Variants in TMBIM4 observed in about 807,000 individuals in gnomAD.
The protein encoded by TMBIM4 is transmembrane BAX inhibitor motif containing 4, also known as protein lifeguard 4.
Under a neutral mutation model 27.7 loss-of-function variants are expected in TMBIM4, and 28 were observed. The ratio of observed to expected loss-of-function variants is 1.01; its 90% confidence interval spans 0.75 to 1.38. The LOEUF is 1.38. Among genes scored for constraint, TMBIM4 ranks in the 40% most tolerant of loss-of-function variants. The pLI is 0.00. For missense variants in TMBIM4, 265 were observed against 277.5 expected (o/e 0.95, Z 0.32); for synonymous variants, 115 against 113.1 (o/e 1.02, Z -0.11).
intron 1 of TMBIM4, among the ~76,000 whole-genome samples, chr12:66,163,245 A>G (rs2052071521): frequency 6.6e-6 from 1 of 152,088 alleles, no homozygotes; most frequent in South Asian, 2.1e-4. Flanking sequence ...TGGGGTATCT[A>G]TGAGTTAAAT....
intron 2 of TMBIM4, 35 bp downstream of exon 2, chr12:66,153,305 T>C: frequency 8.1e-7 from 1 of 1,234,082 alleles, no homozygotes. Context: ...ATATGCAATG[T>C]CTGAAAATTA....
chr12:66,166,978 C>A (rs2052141566), intron 1 of TMBIM4, among the ~76,000 whole-genome samples: 1 of 152,146 alleles, frequency 6.6e-6, no homozygotes, highest in Non-Finnish European at 1.5e-5. Context: ...GCTATCAAGC[C>A]ATGCAAAGAC....
At chr12:66,144,405 T>C (rs1015367873) in intron 5 of TMBIM4, among the ~76,000 whole-genome samples, 9 of 152,114 alleles carry the variant, frequency 5.9e-5, no homozygotes, top group African/African-American at 2.2e-4. Flanking sequence ...CCCAAAGAAG[T>C]AATCATAGTA....
At chr12:66,165,023 G>A (rs376665272) in intron 1 of TMBIM4, among the ~76,000 whole-genome samples, 3 of 152,182 alleles carry the variant, frequency 2.0e-5, no homozygotes, top group Admixed American at 2.0e-4. Flanking sequence ...ACCTAACCAA[G>A]AAGACAAATT....
At chr12:66,149,471 AAG>A (rs1349431401) in intron 3 of TMBIM4, among the ~76,000 whole-genome samples, 1 of 151,224 alleles carries the variant, frequency 6.6e-6, no homozygotes, top group Non-Finnish European at 1.5e-5. Context: ...AAAAGAAAGA[AAG>A]AAATTTTTTT....
At chr12:66,143,703 C>T (rs201975516) in intron 5 of TMBIM4, among the ~76,000 whole-genome samples, 2 of 152,148 alleles carry the variant, frequency 1.3e-5, no homozygotes, top group East Asian at 3.8e-4. Flanking sequence ...ACCATACATC[C>T]AAACATTTAA....
chr12:66,144,969 A>G (rs1321182150), intron 5 of TMBIM4, among the ~76,000 whole-genome samples: 1 of 152,170 alleles, frequency 6.6e-6, no homozygotes, highest in Non-Finnish European at 1.5e-5. Flanking sequence ...ACAGTTGGAG[A>G]TTGGGTTGAG....
At chr12:66,149,127 T>A (rs1431605691) in intron 3 of TMBIM4, among the ~76,000 whole-genome samples, 1 of 151,942 alleles carries the variant, frequency 6.6e-6, no homozygotes. Context: ...CCAGCAAAAA[T>A]GGTAGCAAAA....
chr12:66,167,480 C>T (rs543239802), intron 1 of TMBIM4, among the ~76,000 whole-genome samples: 1 of 152,184 alleles, frequency 6.6e-6, no homozygotes, highest in South Asian at 2.1e-4. Flanking sequence ...ATAAATGCCC[C>T]ACACGCATAC....
intron 2 of TMBIM4, among the ~76,000 whole-genome samples, 156 bp from the exon 3 acceptor site, chr12:66,152,532 T>G (rs547153414): frequency 2.3e-4 from 35 of 152,198 alleles, no homozygotes; most frequent in Admixed American, 5.9e-4. Context: ...ATTTTATATC[T>G]GGAAAATTTG....
chr12:66,160,339 C>A, intron 1 of TMBIM4: 1 of 613,364 alleles, frequency 1.6e-6, no homozygotes, highest in Non-Finnish European at 3.0e-6. Flanking sequence ...AATGCACATA[C>A]TCTTTTGACT....
At position 66,136,171 on chromosome 12, in the gene TMBIM4, C is replaced by T. The variant is rs1434948432; in HGVS notation, c.*1789G>A. 6.7e-6 allele frequency: 1 copy of T among 149,516 alleles called. No individual in the cohort carries two copies. The highest frequency in any genetic ancestry group is 2.4e-5 in the African/African-American group (1 of 40,918). 9.3% of individuals were successfully genotyped at this position (149,516 alleles called of 1,614,324 possible). A position where few individuals can be genotyped will look rare whatever the true frequency, so the allele number is the denominator to read the frequency against. ...GTTTATTTATCTATCTCATTTAATCCTTATAACAGCCCAATAAGCTAGACA... is the reference window on the plus strand; with the variant it reads ...GTTTATTTATCTATCTCATTTAATCTTTATAACAGCCCAATAAGCTAGACA... On this transcript the variant is annotated 3_prime_UTR_variant, in exon 7 of 7. Transcript: ENST00000358230.
In TMBIM4 at chr12:66,138,076, G is replaced by C; in HGVS notation, c.601C>G (p.Leu201Val). 6.2e-7 allele frequency: 1 copy of C among 1,614,070 alleles called. No homozygotes were observed. The highest frequency in any genetic ancestry group is 8.5e-7 in the Non-Finnish European group (1 of 1,179,996). Residue 201 changes from leucine to valine, a missense_variant, in exon 7 of 7, where the codon CTG becomes GTG. Coordinates refer to ENST00000358230, the MANE Select transcript of TMBIM4 (RefSeq NM_016056.4). ...CGFIIYDTHS[L>V]MHKLSPEEYV... is the part of the protein sequence containing the mutation. The stretch of plus-strand genomic sequence containing the variant: ...TCTTCAGGTGACAGTTTATGCATCA[G>C]TGAGTGTGTGTCATAGATGATGAAT...
intron 1 of TMBIM4, among the ~76,000 whole-genome samples, chr12:66,155,702 T>C (rs1329327680): frequency 6.6e-6 from 1 of 152,112 alleles, no homozygotes; most frequent in Non-Finnish European, 1.5e-5. Flanking sequence ...CCATATGATA[T>C]ATATTCTCTC....
intron 1 of TMBIM4, among the ~76,000 whole-genome samples, chr12:66,164,161 G>T (rs1399878862): frequency 1.3e-5 from 2 of 152,204 alleles, no homozygotes; most frequent in African/African-American, 4.8e-5. Context: ...AGTAGGAATT[G>T]AAAGAAACTA....
At chr12:66,165,519 G>C (rs1192589103) in intron 1 of TMBIM4, among the ~76,000 whole-genome samples, 1 of 151,316 alleles carries the variant, frequency 6.6e-6, no homozygotes, top group Non-Finnish European at 1.5e-5. Flanking sequence ...CCAGGCTCAA[G>C]TGATTCTCCC....
chr12:66,144,486 G>A (rs987023641), intron 5 of TMBIM4, among the ~76,000 whole-genome samples: 2 of 152,042 alleles, frequency 1.3e-5, no homozygotes, highest in African/African-American at 4.8e-5. Flanking sequence ...GCGGGGTGGG[G>A]GCAGAGAAGA....
At position 66,137,610 on chromosome 12, in the gene TMBIM4, G is replaced by C; in HGVS notation, c.*350C>G. 1.3e-5 allele frequency: 3 copies of C among 227,462 alleles called. No homozygotes were observed. The South Asian group carries it at 1.5e-4, about 12-fold the overall frequency. 14.1% of individuals were successfully genotyped at this position (227,462 alleles called of 1,614,324 possible). A position where few individuals can be genotyped will look rare whatever the true frequency, so the allele number is the denominator to read the frequency against. On this transcript the variant is annotated 3_prime_UTR_variant, in exon 7 of 7. Coordinates refer to ENST00000358230, the MANE Select transcript of TMBIM4 (RefSeq NM_016056.4). The stretch of plus-strand genomic sequence containing the variant: ...GGGGTTTCACCATGTTGGCCAGGAT[G>C]GTCTCAACCTCTTGACCTCGTGATC...
chr12:66,146,717 T>C (rs7965395), intron 4 of TMBIM4, among the ~76,000 whole-genome samples: 48,432 of 112,376 alleles, frequency 0.43, 8,037 homozygotes, highest in South Asian at 0.54. Flanking sequence ...CCAAAGCCAT[T>C]TAAGTAATTT....
Sources: gnomAD v4.1 joint callset for allele counts (sites outside exome capture counted in the v4.1 genomes callset) on GRCh38, gnomAD v4.1.1 for gene constraint, MANE v1.5 for transcripts, NCBI Gene and HGNC (gene_info 2026-07-23, HGNC 2026-07-21) for gene names.